Variants in SLC35D2 observed in about 807,000 individuals in gnomAD.
SLC35D2 encodes nucleotide sugar transporter SLC35D2.
Under a neutral mutation model 41.8 loss-of-function variants are expected in SLC35D2, and 43 were observed. The ratio of observed to expected loss-of-function variants is 1.03; its 90% confidence interval spans 0.81 to 1.33. SLC35D2 has a LOEUF of 1.33. SLC35D2 is among the 40% of genes most tolerant of loss of function. SLC35D2 has a pLI of 0.00. For missense variants in SLC35D2, 380 were observed against 408.4 expected, an observed-to-expected ratio of 0.93 and a Z score of 0.60; for synonymous variants, 150 against 163.9, an observed-to-expected ratio of 0.92 and a Z score of 0.65.
chr9:96,363,923 A>G (rs1230088630), intron 3 of SLC35D2, among the ~76,000 whole-genome samples: 1 of 152,232 alleles, frequency 6.6e-6, no homozygotes, highest in East Asian at 1.9e-4. Context: ...TTCCCAAGAC[A>G]CACAGTATTC....
rs368085164 is a variant in SLC35D2, at chr9:96,360,145, A to G, written c.347+9T>C. On this transcript the variant is annotated intron_variant, in intron 4 of 11. Transcript: ENST00000253270. ...GGAACTTTCCACCAGCCATTATCCTATACTCTACCTTAATTTACTTGTGCT... is the reference window on the plus strand; with the variant it reads ...GGAACTTTCCACCAGCCATTATCCTGTACTCTACCTTAATTTACTTGTGCT... 1.9e-6 allele frequency: 3 copies of G among 1,608,026 alleles called. No individual in the cohort carries two copies. Among genetic ancestry groups the G allele is most frequent in the African/African-American group, 2.7e-5 (2 of 74,770 alleles).
At chr9:96,378,106 C>T (rs997592166) in intron 1 of SLC35D2, among the ~76,000 whole-genome samples, 11 of 152,118 alleles carry the variant, frequency 7.2e-5, no homozygotes, top group African/African-American at 2.7e-4. Flanking sequence ...AAAAACCTCT[C>T]CAAGTGATTA....
chr9:96,373,032 T>A (rs1041213651), intron 1 of SLC35D2, among the ~76,000 whole-genome samples: 1 of 151,810 alleles, frequency 6.6e-6, no homozygotes, highest in Non-Finnish European at 1.5e-5. Context: ...TCCGAATGTC[T>A]GGGATTACAG....
At position 96,383,674 on chromosome 9, in the gene SLC35D2, G is replaced by A. The variant is rs1161664574; in HGVS notation, c.-40C>T. The A allele has an allele frequency of 1.0e-5, 10 of 998,396 alleles. 1 individual carries two copies. The highest frequency in any genetic ancestry group is 4.5e-5 in the South Asian group (1 of 22,194). 61.8% of individuals were successfully genotyped at this position (998,396 alleles called of 1,614,324 possible). On this transcript the variant is annotated 5_prime_UTR_variant, in exon 1 of 12. Coordinates refer to ENST00000253270, the MANE Select transcript of SLC35D2 (RefSeq NM_007001.3). Reference sequence around the variant, plus strand: ...CGGACCCCGCCGCCCGCCAGCCCCGGCTGCGCACTGGTCCCGCCCGGCCGG... The same window carrying A: ...CGGACCCCGCCGCCCGCCAGCCCCGACTGCGCACTGGTCCCGCCCGGCCGG...
chr9:96,372,742 G>A (rs1830762190), intron 1 of SLC35D2, among the ~76,000 whole-genome samples: 2 of 150,798 alleles, frequency 1.3e-5, no homozygotes, highest in Non-Finnish European at 3.0e-5. Context: ...GCACCACCAC[G>A]CCTGCCTAAT....
At chr9:96,339,051 A>G (rs527357044) in intron 8 of SLC35D2, among the ~76,000 whole-genome samples, 2 of 152,350 alleles carry the variant, frequency 1.3e-5, no homozygotes, top group Admixed American at 1.3e-4. Context: ...ATACTACAAA[A>G]TCCATTGAGG....
chr9:96,317,633 T>G (rs1828085634), downstream of SLC35D2, among the ~76,000 whole-genome samples: 1 of 152,036 alleles, frequency 6.6e-6, no homozygotes, highest in Admixed American at 6.6e-5. Flanking sequence ...TTTTAAAAAA[T>G]TGGAAGAAAG....
chr9:96,344,748 G>T (rs968771592), intron 7 of SLC35D2, among the ~76,000 whole-genome samples: 3 of 150,946 alleles, frequency 2.0e-5, no homozygotes, highest in Non-Finnish European at 3.0e-5. Context: ...GGAGGGATGG[G>T]GCCTCCACGT....
intron 10 of SLC35D2, 26 bp downstream of exon 10, chr9:96,324,065 T>C: frequency 6.3e-7 from 1 of 1,587,458 alleles, no homozygotes; most frequent in Non-Finnish European, 8.6e-7. Flanking sequence ...ACTCAGTTGT[T>C]CCCTTCCAAG....
chr9:96,347,463 G>A (rs1194843031), intron 6 of SLC35D2, among the ~76,000 whole-genome samples: 2 of 152,164 alleles, frequency 1.3e-5, no homozygotes, highest in Admixed American at 6.5e-5. Context: ...TGTAACCCTT[G>A]CAGTTGTTCA....
At chr9:96,379,136 GA>G (rs57361495) in intron 1 of SLC35D2, among the ~76,000 whole-genome samples, 25,453 of 129,798 alleles carry the variant, frequency 0.2, 2,434 homozygotes, top group African/African-American at 0.29. Context: ...CCTCTCTACA[GA>G]AAAAAAAAAA....
chr9:96,321,532 AAG>A (rs2130824265), intron 11 of SLC35D2, among the ~76,000 whole-genome samples, 191 bp from the exon 12 acceptor site: 1 of 152,278 alleles, frequency 6.6e-6, no homozygotes, highest in Admixed American at 6.5e-5. Flanking sequence ...GAGGCAGAAA[AAG>A]AGTCATCAAA....
chr9:96,315,421 C>T (rs944860520), intron 11 of SLC35D2, among the ~76,000 whole-genome samples: 9 of 126,822 alleles, frequency 7.1e-5, no homozygotes, highest in South Asian at 2.5e-4. Context: ...CTACTGTGCC[C>T]GGCCTTCACA....
At chr9:96,314,558 G>A (rs1828005557) in exon 12 of SLC35D2, 1 of 152,136 alleles carries the variant, frequency 6.6e-6, no homozygotes, top group Admixed American at 6.5e-5. Context: ...ATGGACACAG[G>A]GAGGGGAACA....
At chr9:96,332,012 G>C (rs113291348) in intron 9 of SLC35D2, among the ~76,000 whole-genome samples, 26 of 152,304 alleles carry the variant, frequency 1.7e-4, no homozygotes, top group African/African-American at 6.0e-4. Flanking sequence ...TGCTAAAAAG[G>C]TTGGGGACTG....
At chr9:96,379,008 T>G (rs1159585833) in intron 1 of SLC35D2, among the ~76,000 whole-genome samples, 1 of 151,438 alleles carries the variant, frequency 6.6e-6, no homozygotes, top group Non-Finnish European at 1.5e-5. Flanking sequence ...GGACCAAGAG[T>G]ATAACCAAGC....
At position 96,324,160 on chromosome 9, in the gene SLC35D2, C is replaced by T. The variant is rs1230906192; in HGVS notation, c.762G>A (p.Leu254=). Residue 254 remains leucine, a synonymous_variant, in exon 10 of 12, where the codon CTG becomes CTA. Transcript: ENST00000253270. ...FLLSCFLGFL[L]MYSTVLCSYY... is the part of the protein sequence containing the mutation. ...AGCTGCACAGAACCGTGGAGTACATCAGCAGAAACCTGTGACAAGGAAGCA... is the reference window on the plus strand; with the variant it reads ...AGCTGCACAGAACCGTGGAGTACATTAGCAGAAACCTGTGACAAGGAAGCA... The T allele has an allele frequency of 6.2e-7, 1 of 1,613,808 alleles. No homozygotes were observed.
chr9:96,346,232 C>T (rs1457098350), intron 6 of SLC35D2, among the ~76,000 whole-genome samples: 1 of 152,108 alleles, frequency 6.6e-6, no homozygotes, highest in Admixed American at 6.5e-5. Flanking sequence ...TTAATATGTT[C>T]CCTGAAGTTC....
chr9:96,354,197 A>G (rs1373372082), intron 4 of SLC35D2, among the ~76,000 whole-genome samples: 1 of 152,224 alleles, frequency 6.6e-6, no homozygotes, highest in Non-Finnish European at 1.5e-5. Context: ...TCCGCCTATG[A>G]TTAGGAACAA....
Sources: gnomAD v4.1 joint callset for allele counts (sites outside exome capture counted in the v4.1 genomes callset) on GRCh38, gnomAD v4.1.1 for gene constraint, MANE v1.5 for transcripts, NCBI Gene and HGNC (gene_info 2026-07-23, HGNC 2026-07-21) for gene names.